The following GIMAP2 variants were observed in gnomAD, a reference collection of about 807,000 sequenced individuals.
The protein encoded by GIMAP2 is GTPase IMAP family member 2.
A neutral mutation model predicts 25.5 loss-of-function variants in GIMAP2; 22 were observed. That is an observed-to-expected ratio of 0.86 (90% confidence interval 0.62 to 1.23). The LOEUF (loss-of-function observed/expected upper bound fraction) is 1.23, where lower values mean the gene tolerates loss of function less well. Ranked by LOEUF, GIMAP2 falls within the 50% of genes most tolerant of loss-of-function variation. The pLI is 0.00. For synonymous variants in GIMAP2, 167 were observed against 143.0 expected (o/e 1.17, Z -1.20); for missense variants, 422 against 395.7 (o/e 1.07, Z -0.56).
At position 150,692,569 on chromosome 7, in the gene GIMAP2, G is replaced by T; in HGVS notation, c.283G>T (p.Val95Leu). Residue 95 changes from valine (V) to leucine (L), a missense_variant, in exon 3 of 3, where the codon GTG becomes TTG. Coordinates refer to ENST00000223293, the MANE Select transcript of GIMAP2 (RefSeq NM_015660.3). The stretch of plus-strand genomic sequence containing the variant: ...CCACTGTGAAGCTCTGTACAAAGAG[G>T]TGCAGAGGTGCTACTTGCTGTCTGC... Reference protein sequence around the residue: ...KDHCEALYKEVQRCYLLSAPG... With the variant: ...KDHCEALYKELQRCYLLSAPG... 6.2e-7 allele frequency: 1 copy of T among 1,614,128 alleles called. No homozygotes were observed. Among genetic ancestry groups the T allele is most frequent in the Non-Finnish European group, 8.5e-7 (1 of 1,180,008 alleles).
intron 1 of GIMAP2, 65 bp downstream of exon 1, chr7:150,685,850 T>C: frequency 2.0e-6 from 1 of 512,434 alleles, no homozygotes; most frequent in East Asian, 1.5e-4. Context: ...TGCACAAACA[T>C]TTTCATTTTT....
intron 2 of GIMAP2, among the ~76,000 whole-genome samples, chr7:150,690,784 G>C (rs1054396452): frequency 1.4e-4 from 22 of 152,194 alleles, no homozygotes; most frequent in African/African-American, 5.1e-4. Context: ...CAGATGAAGA[G>C]AAATTAATCA....
Position 150,693,502 on chromosome 7 carries a change from G to A in GIMAP2, c.*202G>A. 2.2e-6 allele frequency: 1 copy of A among 444,650 alleles called. No homozygotes were observed. Among genetic ancestry groups the A allele is most frequent in the Non-Finnish European group, 3.9e-6 (1 of 253,558 alleles). The allele number at this position is 444,650 out of a possible 1,614,324, so 27.5% of individuals were successfully genotyped here. A position where few individuals can be genotyped will look rare whatever the true frequency, so the allele number is the denominator to read the frequency against. On this transcript the variant is annotated 3_prime_UTR_variant, in exon 3 of 3. Transcript: ENST00000223293. ...ATAATATCAAAGCCTTTTGAAATCT[G>A]TAAACATAAAATTCCTCTCATTTTC...
chr7:150,692,387 G>C lies in GIMAP2; in HGVS notation c.101G>C (p.Gly34Ala), dbSNP rs773329340. ...ATCCTGGTGGGCAAAACAGGAACTG[G>C]CAAAAGTGCTGCAGGGAACAGCATC... is the stretch of plus-strand genomic sequence containing the variant. ...RIILVGKTGT[G>A]KSAAGNSILR... is the part of the protein sequence containing the mutation. The change falls in exon 3 of 3, where the codon GGC becomes GCC. Residue 34 changes from glycine to alanine, a missense_variant. Coordinates refer to ENST00000223293, the MANE Select transcript of GIMAP2 (RefSeq NM_015660.3). The C allele has an allele frequency of 1.3e-5, 21 of 1,614,074 alleles. No individual in the cohort carries two copies. Among genetic ancestry groups the C allele is most frequent in the Non-Finnish European group, 1.8e-5 (21 of 1,180,030 alleles).
intron 2 of GIMAP2, chr7:150,689,449 C>T (rs1285600847): frequency 5.7e-6 from 4 of 699,590 alleles, no homozygotes; most frequent in Non-Finnish European, 1.0e-5. Context: ...GGACTCCCAC[C>T]GCTTCTCTTC....
chr7:150,689,552 G>A, intron 2 of GIMAP2: 1 of 702,900 alleles, frequency 1.4e-6, no homozygotes, highest in Non-Finnish European at 2.6e-6. Context: ...GGTGTATCAG[G>A]AGCTGCTTGG....
At chr7:150,689,751 A>T in intron 2 of GIMAP2, 1 of 535,480 alleles carries the variant, frequency 1.9e-6, no homozygotes. Flanking sequence ...GTGTTGGCGT[A>T]GCAGCATGGC....
chr7:150,689,142 A>T (rs1174961560), intron 2 of GIMAP2, among the ~76,000 whole-genome samples: 1 of 152,172 alleles, frequency 6.6e-6, no homozygotes, highest in East Asian at 1.9e-4. Flanking sequence ...AATAGACACC[A>T]ATTTCCATGT....
rs1449544974 is a variant in GIMAP2, at chr7:150,692,562, C to T, written c.276C>T (p.Tyr92=). 22 of 1,614,028 alleles carry T rather than the reference C, an allele frequency of 1.4e-5. No individual in the cohort carries two copies. The highest frequency in any genetic ancestry group is 1.8e-5 in the Non-Finnish European group (21 of 1,180,020). Residue 92 remains tyrosine (Y), a synonymous_variant, in exon 3 of 3, where the codon TAC becomes TAT. Transcript: ENST00000223293. The part of the protein sequence containing the change: ...FSWKDHCEAL[Y]KEVQRCYLLS... ...GGAAGGACCACTGTGAAGCTCTGTACAAAGAGGTGCAGAGGTGCTACTTGC... is the reference window on the plus strand; with the variant it reads ...GGAAGGACCACTGTGAAGCTCTGTATAAAGAGGTGCAGAGGTGCTACTTGC...
At chr7:150,686,401 G>A (rs1664357044) in intron 1 of GIMAP2, among the ~76,000 whole-genome samples, 1 of 152,090 alleles carries the variant, frequency 6.6e-6, no homozygotes, top group South Asian at 2.1e-4. Flanking sequence ...GTAAGGGAAG[G>A]CACACCTACA....
At chr7:150,689,276 G>A (rs1796939046) in intron 2 of GIMAP2, among the ~76,000 whole-genome samples, 1 of 152,040 alleles carries the variant, frequency 6.6e-6, no homozygotes, top group Admixed American at 6.5e-5. Flanking sequence ...ACACCCATCT[G>A]GGAAATGACC....
intron 2 of GIMAP2, 33 bp from the exon 3 acceptor site, chr7:150,692,282 G>A (rs1796974727): frequency 6.3e-7 from 1 of 1,596,614 alleles, no homozygotes; most frequent in Non-Finnish European, 8.6e-7. Flanking sequence ...CGTGATCAGT[G>A]TAGCGATAAC....
rs765269305 is a variant in GIMAP2, at chr7:150,692,772, C to G, written c.486C>G (p.Asp162Glu). The G allele has an allele frequency of 1.9e-6, 3 of 1,614,096 alleles. No individual in the cohort carries two copies. Among genetic ancestry groups the G allele is most frequent in the Middle Eastern group, 1.6e-4 (1 of 6,084 alleles). The change falls in exon 3 of 3, where the codon GAC becomes GAG. Residue 162 changes from aspartate to glutamate, a missense_variant. By Grantham distance (45) the Asp-to-Glu change is conservative. Coordinates refer to ENST00000223293, the MANE Select transcript of GIMAP2 (RefSeq NM_015660.3). ...GCTCCCTGATGGATTACATGCACGA[C>G]TCAGATAACAAAGCCCTAAGCAAGC... ...NGGSLMDYMH[D>E]SDNKALSKLV...
At chr7:150,690,790 A>T (rs559917255) in intron 2 of GIMAP2, among the ~76,000 whole-genome samples, 2 of 152,352 alleles carry the variant, frequency 1.3e-5, no homozygotes, top group African/African-American at 2.4e-5. Context: ...AAGAGAAATT[A>T]ATCAGTTGTC....
intron 2 of GIMAP2, 66 bp from the exon 3 acceptor site, chr7:150,692,249 A>G: frequency 6.9e-7 from 1 of 1,451,214 alleles, no homozygotes. Context: ...AAGAAATGAA[A>G]GGAAAAAAAA....
At chr7:150,692,077 T>A (rs114680067) in intron 2 of GIMAP2, among the ~76,000 whole-genome samples, 8 of 117,810 alleles carry the variant, frequency 6.8e-5, no homozygotes, top group East Asian at 5.8e-4. Context: ...AAAAAAAAAA[T>A]TAGCGGGATG....
intron 2 of GIMAP2, among the ~76,000 whole-genome samples, chr7:150,691,748 G>A (rs1475173968): frequency 1.3e-5 from 2 of 152,190 alleles, no homozygotes; most frequent in African/African-American, 4.8e-5. Flanking sequence ...CCAGGACTGA[G>A]TGATTCAGGC....
At chr7:150,692,245 T>C in intron 2 of GIMAP2, 70 bp from the exon 3 acceptor site, 5 of 1,417,074 alleles carry the variant, frequency 3.5e-6, no homozygotes, top group South Asian at 1.4e-5. Flanking sequence ...GAAAAAGAAA[T>C]GAAAGGAAAA....
At position 150,692,370 on chromosome 7, in the gene GIMAP2, G is replaced by A; in HGVS notation, c.84G>A (p.Val28=). The change falls in exon 3 of 3, where the codon GTG becomes GTA. Residue 28 remains valine, a synonymous_variant. Coordinates refer to ENST00000223293, the MANE Select transcript of GIMAP2 (RefSeq NM_015660.3). ...ASRSELRIIL[V]GKTGTGKSAA... ...GATCTGAGCTGAGAATCATCCTGGTGGGCAAAACAGGAACTGGCAAAAGTG... is the reference window on the plus strand; with the variant it reads ...GATCTGAGCTGAGAATCATCCTGGTAGGCAAAACAGGAACTGGCAAAAGTG... The A allele has an allele frequency of 6.2e-7, 1 of 1,614,110 alleles. No individual in the cohort carries two copies. Among genetic ancestry groups the A allele is most frequent in the Non-Finnish European group, 8.5e-7 (1 of 1,179,948 alleles).
Sources: gnomAD v4.1 joint callset for allele counts (sites outside exome capture counted in the v4.1 genomes callset) on GRCh38, gnomAD v4.1.1 for gene constraint, MANE v1.5 for transcripts, NCBI Gene and HGNC (gene_info 2026-07-23, HGNC 2026-07-21) for gene names.